JAZF1: variants seen among roughly 807,000 people sequenced by gnomAD.
The protein encoded by JAZF1 is juxtaposed with another zinc finger protein 1.
In JAZF1, 8 loss-of-function variants were observed where a neutral mutation model predicts 26.4. The ratio of observed to expected loss-of-function variants is 0.30; its 90% CI spans 0.18 to 0.55. The LOEUF is 0.55. JAZF1 is among the 20% of genes least tolerant of loss of function. The pLI is 0.94. For synonymous variants in JAZF1, 126 were observed against 122.3 expected (o/e 1.03, Z -0.20); for missense variants, 199 against 322.0 (o/e 0.62, Z 2.92).
chr7:28,105,475 C>A (rs539722529), intron 1 of JAZF1, among the ~76,000 whole-genome samples: 1 of 152,216 alleles, frequency 6.6e-6, no homozygotes, highest in Non-Finnish European at 1.5e-5. Context: ...TTGAGCCCAG[C>A]AGCAATGCCT....
At chr7:27,908,595 G>C (rs1237916461) in intron 2 of JAZF1, among the ~76,000 whole-genome samples, 2 of 152,186 alleles carry the variant, frequency 1.3e-5, no homozygotes, top group Non-Finnish European at 2.9e-5. Flanking sequence ...AACCAGAATG[G>C]AGTTGCTCAG....
chr7:27,867,619 C>A (rs1218033989), intron 3 of JAZF1, among the ~76,000 whole-genome samples: 1 of 152,216 alleles, frequency 6.6e-6, no homozygotes, highest in Non-Finnish European at 1.5e-5. Flanking sequence ...GCATTTCAAT[C>A]TGGTAAAACG....
Position 28,034,364 on chromosome 7 carries a change from G to C in JAZF1, c.116-42383C>G, listed in dbSNP as rs147143510. Among the ~76,000 whole-genome samples, 896 of 151,896 alleles carry C rather than the reference G, an allele frequency of 5.9e-3. 5 individuals carry two copies. Among genetic ancestry groups the C allele is most frequent in the African/African-American group, 0.021 (866 of 41,412 alleles). On this transcript the variant is annotated intron_variant, in intron 1 of 4. Coordinates refer to ENST00000283928, the MANE Select transcript of JAZF1 (RefSeq NM_175061.4). ...CACTGCTTTTAAGACAAACAACAGG[G>C]AGAAGAACAATTGGAAGCACAAACA... is the stretch of plus-strand genomic sequence containing the variant.
At chr7:27,841,896 G>T (rs1782931533) in intron 3 of JAZF1, 1 of 152,120 alleles carries the variant, frequency 6.6e-6, no homozygotes, top group Admixed American at 6.5e-5. Context: ...GGAATAAATA[G>T]GAATTATAGC....
chr7:28,099,715 A>T (rs1784441397), intron 1 of JAZF1, among the ~76,000 whole-genome samples: 1 of 152,106 alleles, frequency 6.6e-6, no homozygotes, highest in Non-Finnish European at 1.5e-5. Context: ...ACCTCAGGTG[A>T]TCTGCCTGCC....
intron 3 of JAZF1, among the ~76,000 whole-genome samples, chr7:27,850,665 C>T (rs910141167): frequency 6.6e-6 from 1 of 152,182 alleles, no homozygotes; most frequent in Non-Finnish European, 1.5e-5. Context: ...TTGACTCCCT[C>T]TAATCTTTTT....
chr7:28,049,072 C>CCTCTCTCTCT lies in JAZF1; in HGVS notation c.116-57101_116-57092dup, dbSNP rs1182638919. Among the ~76,000 whole-genome samples, 343 of 113,584 alleles carry CCTCTCTCTCT rather than the reference C, an allele frequency of 3.0e-3. 2 individuals are homozygous for CCTCTCTCTCT. The highest frequency in any genetic ancestry group is 0.013 in the African/African-American group (336 of 26,240). 74.5% of individuals were successfully genotyped at this position (113,584 alleles called of 152,430 possible). A position where few individuals can be genotyped will look rare whatever the true frequency, so the allele number is the denominator to read the frequency against. On this transcript the variant is annotated intron_variant, in intron 1 of 4. Coordinates refer to ENST00000283928, the MANE Select transcript of JAZF1 (RefSeq NM_175061.4). ...TCCCCTCCCCTCCCCTCCCTCCCTT[C>CCTCTCTCTCT]CTCTCTCTCTCTCTCTCTCTTTCTT...
intron 2 of JAZF1, among the ~76,000 whole-genome samples, chr7:27,930,622 AAAAGG>A (rs1003561391): frequency 1.3e-5 from 2 of 152,220 alleles, no homozygotes; most frequent in African/African-American, 4.8e-5. Flanking sequence ...ATATTTTTTA[AAAAGG>A]AAAGACTAAA....
Position 27,832,968 on chromosome 7 carries a change from A to G in JAZF1, c.564T>C (p.Asn188=). Residue 188 remains asparagine (N), a synonymous_variant, in exon 5 of 5, where the codon AAT becomes AAC. Coordinates refer to ENST00000283928, the MANE Select transcript of JAZF1 (RefSeq NM_175061.4). The part of the protein sequence containing the change: ...PGCKKRYKNV[N]GIKYHAKNGH... The stretch of plus-strand genomic sequence containing the variant: ...CATTCTTAGCGTGATACTTTATGCC[A>G]TTCACATTCTGTGGAGAAGACAAAA... 2 of 1,579,610 alleles carry G rather than the reference A, an allele frequency of 1.3e-6. No individual in the cohort carries two copies. Among genetic ancestry groups the G allele is most frequent in the Non-Finnish European group, 1.7e-6 (2 of 1,163,484 alleles).
At chr7:27,993,568 G>A (rs1785950593) in intron 1 of JAZF1, among the ~76,000 whole-genome samples, 1 of 152,162 alleles carries the variant, frequency 6.6e-6, no homozygotes, top group African/African-American at 2.4e-5. Context: ...AAGGTGTTTT[G>A]TCCAAAGAAA....
At chr7:27,946,668 G>C (rs549378471) in intron 2 of JAZF1, among the ~76,000 whole-genome samples, 1 of 152,334 alleles carries the variant, frequency 6.6e-6, no homozygotes, top group South Asian at 2.1e-4. Context: ...CCTAGTGACT[G>C]CAGAAGGACC....
chr7:27,970,321 C>T (rs1458256965), intron 2 of JAZF1, among the ~76,000 whole-genome samples: 3 of 152,164 alleles, frequency 2.0e-5, no homozygotes, highest in African/African-American at 7.2e-5. Flanking sequence ...GAACCCACTT[C>T]TAAAAGCTTG....
chr7:28,040,634 T>G (rs1370366636), intron 1 of JAZF1, among the ~76,000 whole-genome samples: 2 of 152,098 alleles, frequency 1.3e-5, no homozygotes, highest in African/African-American at 2.4e-5. Context: ...ACCCGGCAGA[T>G]GAGGGTGTCG....
chr7:28,121,384 AATCATAT>A (rs1782604326), intron 1 of JAZF1, among the ~76,000 whole-genome samples: 1 of 152,148 alleles, frequency 6.6e-6, no homozygotes. Flanking sequence ...AAGTAAGAAT[AATCATAT>A]GAGACGTTCA....
intron 3 of JAZF1, among the ~76,000 whole-genome samples, chr7:27,858,840 A>G (rs573904720): frequency 2.6e-5 from 4 of 152,370 alleles, no homozygotes; most frequent in Admixed American, 2.6e-4. Flanking sequence ...CATGACTAAA[A>G]CACCAAAAGC....
At chr7:28,038,332 T>C (rs1783330163) in intron 1 of JAZF1, among the ~76,000 whole-genome samples, 1 of 152,176 alleles carries the variant, frequency 6.6e-6, no homozygotes, top group Non-Finnish European at 1.5e-5. Flanking sequence ...CTAGTAGATA[T>C]AAGCTCATTT....
intron 1 of JAZF1, among the ~76,000 whole-genome samples, chr7:28,074,638 G>C (rs1784024622): frequency 6.6e-6 from 1 of 152,160 alleles, no homozygotes; most frequent in Non-Finnish European, 1.5e-5. Context: ...CTGCTACTTA[G>C]CAGGAGTAAG....
chr7:27,849,955 C>T (rs1783113020), intron 3 of JAZF1, among the ~76,000 whole-genome samples: 1 of 151,912 alleles, frequency 6.6e-6, no homozygotes, highest in South Asian at 2.1e-4. Context: ...TGGAGATGGC[C>T]CAATTCTGTT....
intron 2 of JAZF1, among the ~76,000 whole-genome samples, chr7:27,974,721 T>C (rs967844113): frequency 2.6e-5 from 4 of 152,114 alleles, no homozygotes; most frequent in Non-Finnish European, 4.4e-5. Flanking sequence ...AATTTAGCAA[T>C]TGAGTGAAGG....
Sources: gnomAD v4.1 joint callset for allele counts (sites outside exome capture counted in the v4.1 genomes callset) on GRCh38, gnomAD v4.1.1 for gene constraint, MANE v1.5 for transcripts, NCBI Gene and HGNC (gene_info 2026-07-23, HGNC 2026-07-21) for gene names.